The following ARHGEF28 variants were observed in gnomAD, a reference collection of about 807,000 sequenced individuals.
The protein encoded by ARHGEF28 is 190 kDa guanine nucleotide exchange factor.
A neutral mutation model predicts 206.6 loss-of-function variants in ARHGEF28; 152 were observed. The observed-to-expected ratio is 0.74, with a 90% CI of 0.64 to 0.84. ARHGEF28 has a LOEUF of 0.84. Among genes scored for constraint, ARHGEF28 ranks in the 40% least tolerant of loss-of-function variants. The probability of loss-of-function intolerance (pLI) is 0.00; values close to 1 mark genes in which losing one functional copy is unlikely to be tolerated. For missense variants in ARHGEF28, 2,028 were observed against 2,073.2 expected (o/e 0.98, Z 0.42); for synonymous variants, 763 against 776.4 (o/e 0.98, Z 0.29).
chr5:73,792,290 CG>C (rs1277162259), intron 7 of ARHGEF28, among the ~76,000 whole-genome samples: 5 of 152,108 alleles, frequency 3.3e-5, no homozygotes, highest in African/African-American at 1.2e-4. Flanking sequence ...CACGGAAAAA[CG>C]TAGGCATGGC....
chr5:73,659,005 A>ACACACACC (rs1211713040), intron 1 of ARHGEF28, among the ~76,000 whole-genome samples: 1 of 145,800 alleles, frequency 6.9e-6, no homozygotes, highest in African/African-American at 2.6e-5. Context: ...ACACACACAC[A>ACACACACC]CCACACTCAC....
At chr5:73,732,341 T>A (rs532084465) in intron 2 of ARHGEF28, among the ~76,000 whole-genome samples, 18 of 152,184 alleles carry the variant, frequency 1.2e-4, no homozygotes, top group South Asian at 2.1e-4. Flanking sequence ...AGATCAGCTT[T>A]TTTTTTTTCA....
At chr5:73,799,484 TC>T (rs1221885228) in intron 9 of ARHGEF28, among the ~76,000 whole-genome samples, 1 of 152,200 alleles carries the variant, frequency 6.6e-6, no homozygotes, top group Non-Finnish European at 1.5e-5. Context: ...AATGCCAGTG[TC>T]TCAGGGGGAA....
intron 6 of ARHGEF28, among the ~76,000 whole-genome samples, chr5:73,777,398 A>C (rs1270614294): frequency 1.3e-5 from 2 of 152,178 alleles, no homozygotes; most frequent in African/African-American, 4.8e-5. Flanking sequence ...CACACTAACC[A>C]GATCCTATGG....
chr5:73,901,692 T>G (rs1762281460), intron 31 of ARHGEF28: 1 of 153,810 alleles, frequency 6.5e-6, no homozygotes. Flanking sequence ...TATTCTTGCT[T>G]CTTTCACCTT....
chr5:73,681,594 C>A (rs1239332616), intron 1 of ARHGEF28, among the ~76,000 whole-genome samples: 1 of 151,916 alleles, frequency 6.6e-6, no homozygotes. Flanking sequence ...GCAGGCGGAT[C>A]ACTTGAGGTC....
chr5:73,812,379 T>G (rs1387129832), intron 9 of ARHGEF28, among the ~76,000 whole-genome samples: 1 of 152,216 alleles, frequency 6.6e-6, no homozygotes, highest in African/African-American at 2.4e-5. Flanking sequence ...TGGATCCTCA[T>G]ATTGTATGTT....
chr5:73,892,364 G>A (rs1423872581), intron 27 of ARHGEF28, 134 bp downstream of exon 27: 4 of 939,178 alleles, frequency 4.3e-6, no homozygotes, highest in Non-Finnish European at 4.6e-6. Context: ...ACCTGCCTGC[G>A]ATAGCCCCCC....
intron 23 of ARHGEF28, 102 bp downstream of exon 23, chr5:73,882,696 T>C: frequency 9.0e-7 from 1 of 1,108,424 alleles, no homozygotes; most frequent in Non-Finnish European, 1.2e-6. Flanking sequence ...CTAATGATGC[T>C]TTTCAGGGGA....
At chr5:73,766,202 C>T (rs115750196) in intron 4 of ARHGEF28, among the ~76,000 whole-genome samples, 4,389 of 151,454 alleles carry the variant, frequency 0.029, 193 homozygotes, top group African/African-American at 0.098. Context: ...AAAACAAAAA[C>T]GTATTGTGTT....
intron 7 of ARHGEF28, 69 bp downstream of exon 7, chr5:73,780,814 T>A: frequency 2.0e-6 from 3 of 1,509,916 alleles, no homozygotes; most frequent in South Asian, 1.2e-5. Context: ...ACCAGTCCGT[T>A]GAAGTGTGTG....
intron 11 of ARHGEF28, among the ~76,000 whole-genome samples, 169 bp from the exon 12 acceptor site, chr5:73,846,099 G>C (rs751047015): frequency 1.3e-5 from 2 of 151,648 alleles, no homozygotes; most frequent in Non-Finnish European, 2.9e-5. Context: ...TTTAAAAAGA[G>C]ATTTGGAGGG....
At chr5:73,885,751 C>A in intron 24 of ARHGEF28, 99 bp from the exon 25 acceptor site, 1 of 1,233,250 alleles carries the variant, frequency 8.1e-7, no homozygotes, top group Non-Finnish European at 1.1e-6. Flanking sequence ...TTAGATGATA[C>A]ATTTAACTAT....
At chr5:73,645,716 A>G (rs911119980) in intron 1 of ARHGEF28, among the ~76,000 whole-genome samples, 2 of 152,192 alleles carry the variant, frequency 1.3e-5, no homozygotes, top group African/African-American at 4.8e-5. Context: ...AATTCTTGTA[A>G]TAGCTTTAAC....
intron 33 of ARHGEF28, 25 bp from the exon 34 acceptor site, chr5:73,909,387 A>AT (rs1240720819): frequency 1.3e-6 from 2 of 1,568,690 alleles, no homozygotes; most frequent in Non-Finnish European, 8.7e-7. Context: ...GTGTTCAGTG[A>AT]TTTTTCCTCT....
intron 1 of ARHGEF28, among the ~76,000 whole-genome samples, chr5:73,682,799 T>C (rs1163017517): frequency 1.3e-5 from 2 of 152,174 alleles, no homozygotes; most frequent in African/African-American, 4.8e-5. Flanking sequence ...GGCCAGCCAC[T>C]CGGGAGGCTA....
intron 10 of ARHGEF28, among the ~76,000 whole-genome samples, chr5:73,838,223 A>T (rs1757779341): frequency 1.3e-5 from 2 of 151,488 alleles, no homozygotes; most frequent in South Asian, 4.2e-4. Flanking sequence ...CTAAATCTGC[A>T]ACAAAATCAC....
At chr5:73,906,245 A>T (rs1762549121) in intron 33 of ARHGEF28, among the ~76,000 whole-genome samples, 1 of 151,674 alleles carries the variant, frequency 6.6e-6, no homozygotes, top group South Asian at 2.1e-4. Flanking sequence ...TTTTTTATTT[A>T]TTTATTTTTT....
intron 8 of ARHGEF28, among the ~76,000 whole-genome samples, chr5:73,794,885 G>A (rs1754713395): frequency 6.6e-6 from 1 of 152,170 alleles, no homozygotes; most frequent in African/African-American, 2.4e-5. Context: ...GGGATTACAG[G>A]CATGAGCCAC....
Sources: gnomAD v4.1 joint callset for allele counts (sites outside exome capture counted in the v4.1 genomes callset) on GRCh38, gnomAD v4.1.1 for gene constraint, MANE v1.5 for transcripts, NCBI Gene and HGNC (gene_info 2026-07-23, HGNC 2026-07-21) for gene names.